The following KDM3B variants were observed in gnomAD, a reference collection of about 807,000 sequenced individuals.
KDM3B encodes the protein lysine demethylase 3B.
Under a neutral mutation model 170.0 loss-of-function variants are expected in KDM3B, and 10 were observed. The ratio of observed to expected loss-of-function variants is 0.06; its 90% CI spans 0.04 to 0.10. KDM3B has a LOEUF of 0.10. Among genes scored for constraint, KDM3B ranks in the 10% least tolerant of loss-of-function variants. The probability of loss-of-function intolerance (pLI) is 1.00; values close to 1 mark genes in which losing one functional copy is unlikely to be tolerated. For missense variants in KDM3B, 1,394 were observed against 2,195.2 expected (o/e 0.64, Z 7.29); for synonymous variants, 831 against 834.8 (o/e 1.00, Z 0.08).
At chr5:138,374,979 G>A (rs2126925471) in intron 2 of KDM3B, 114 bp from the exon 3 acceptor site, 1 of 664,622 alleles carries the variant, frequency 1.5e-6, no homozygotes, top group East Asian at 2.7e-5. Context: ...TAGCTTATCT[G>A]TATTTACTGG....
chr5:138,391,946 C>T lies in KDM3B; in HGVS notation c.2314C>T (p.His772Tyr). Reference protein sequence around the residue: ...LKTFSNVFGRHSGGFLSSPAD... With the variant: ...LKTFSNVFGRYSGGFLSSPAD... ...AACCTTTAGTAACGTCTTTGGCAGG[C>T]ACTCAGGCGGCTTTCTGTCCTCCCC... The change falls in exon 8 of 24, where the codon CAC becomes TAC. Residue 772 changes from histidine to tyrosine, a missense_variant. Physicochemically the swap from His to Tyr is moderately conservative, Grantham distance 83. This residue lies in a region of KDM3B where 84 missense variants were observed against 135.8 expected (regional missense o/e 0.62). Coordinates refer to ENST00000314358, the MANE Select transcript of KDM3B (RefSeq NM_016604.4). This position sits in a 1 kb window ranked among gnomAD's most constrained non-coding sequence, Gnocchi z 5.0. The T allele has an allele frequency of 6.2e-7, 1 of 1,612,546 alleles. No individual in the cohort carries two copies. The highest frequency in any genetic ancestry group is 8.5e-7 in the Non-Finnish European group (1 of 1,178,626).
At chr5:138,388,400 A>T (rs919002581) in intron 7 of KDM3B, among the ~76,000 whole-genome samples, 1 of 152,054 alleles carries the variant, frequency 6.6e-6, no homozygotes, top group South Asian at 2.1e-4. Flanking sequence ...TGGGAGGCCG[A>T]GGCGGGCGGA....
At chr5:138,372,227 TAA>T (rs1761893356) in intron 1 of KDM3B, among the ~76,000 whole-genome samples, 2 of 152,246 alleles carry the variant, frequency 1.3e-5, no homozygotes, top group South Asian at 4.1e-4. Flanking sequence ...AAAAAATAAT[TAA>T]AAGTTCACAG....
intron 1 of KDM3B, among the ~76,000 whole-genome samples, chr5:138,355,482 G>A (rs969415446): frequency 4.6e-5 from 7 of 152,168 alleles, no homozygotes; most frequent in African/African-American, 1.7e-4. Context: ...GAGTTTTGTT[G>A]ATAAGGTTCT....
rs1232554273 is a variant in KDM3B at position 138,352,805 on chromosome 5, G to T, written c.10G>T (p.Ala4Ser). The change falls in exon 1 of 24, where the codon GCG becomes TCG. Residue 4 changes from alanine (A) to serine (S), a missense_variant. Ala to Ser is a moderately conservative substitution (Grantham distance 99). Around this residue, in one of 19 missense-constraint regions of KDM3B, gnomAD observed 99 missense variants for 97.5 expected, o/e 1.02. Transcript: ENST00000314358. MADAAASPVGKRLL... is the reference protein window; with the variant it reads MADSAASPVGKRLL... ...CAGGCCGGCCCCGGCGATGGCGGAC[G>T]CGGCGGCCTCCCCGGTGGGCAAGCG... 1 of 1,299,646 alleles carries T rather than the reference G, an allele frequency of 7.7e-7. No individual in the cohort carries two copies. Among genetic ancestry groups the T allele is most frequent in the Non-Finnish European group, 9.8e-7 (1 of 1,022,982 alleles). The allele number at this position is 1,299,646 out of a possible 1,614,324, so 80.5% of individuals were successfully genotyped here.
intron 11 of KDM3B, among the ~76,000 whole-genome samples, chr5:138,407,757 C>G (rs766619487): frequency 6.6e-6 from 1 of 152,156 alleles, no homozygotes; most frequent in Admixed American, 6.6e-5. Flanking sequence ...ACTCTTAGAT[C>G]GGCCCCAGGA....
chr5:138,407,301 T>C (rs1762848512), intron 11 of KDM3B, among the ~76,000 whole-genome samples: 1 of 152,212 alleles, frequency 6.6e-6, no homozygotes, highest in Non-Finnish European at 1.5e-5. Flanking sequence ...CAATAACTTT[T>C]ACAGCTTAGA....
chr5:138,357,192 G>A (rs531448656), intron 1 of KDM3B, among the ~76,000 whole-genome samples: 1 of 151,996 alleles, frequency 6.6e-6, no homozygotes, highest in African/African-American at 2.4e-5. Flanking sequence ...TCGCCATGTT[G>A]CCCAGGCTGG....
At chr5:138,399,728 T>G (rs987679691) in intron 10 of KDM3B, 132 bp from the exon 11 acceptor site, 3 of 711,906 alleles carry the variant, frequency 4.2e-6, no homozygotes, top group African/African-American at 3.6e-5. Flanking sequence ...CCTACAATTA[T>G]AGAAACACAG....
intron 11 of KDM3B, among the ~76,000 whole-genome samples, chr5:138,409,348 A>G (rs1259858311): frequency 6.6e-6 from 1 of 152,230 alleles, no homozygotes; most frequent in African/African-American, 2.4e-5. Context: ...TCAATATTAC[A>G]TGATACAAAG....
At position 138,424,242 on chromosome 5, in the gene KDM3B, T is replaced by C. The variant is rs757666049; in HGVS notation, c.4140T>C (p.Thr1380=). 1 of 1,614,202 alleles carries C rather than the reference T, an allele frequency of 6.2e-7. No individual in the cohort carries two copies. The highest frequency in any genetic ancestry group is 8.5e-7 in the Non-Finnish European group (1 of 1,180,022). Residue 1380 remains threonine (T), a synonymous_variant, in exon 16 of 24, where the codon ACT becomes ACC. Transcript: ENST00000314358. The stretch of plus-strand genomic sequence containing the variant: ...GGTTAAATGTGCTAGATCCCCATAC[T>C]TCTCACTCCTGGCTTTGTGATGGGA... ...VMGLNVLDPH[T]SHSWLCDGRL...
intron 12 of KDM3B, 57 bp downstream of exon 12, chr5:138,415,296 A>G (rs1373559947): frequency 1.8e-6 from 2 of 1,097,798 alleles, no homozygotes; most frequent in African/African-American, 1.6e-5. Flanking sequence ...TGAGATAGCC[A>G]TACACCATAA....
Position 138,391,642 on chromosome 5 carries a change from G to T in KDM3B, c.2010G>T (p.Val670=), listed in dbSNP as rs763081735. 1.5e-5 allele frequency: 24 copies of T among 1,613,968 alleles called. No individual in the cohort carries two copies. The highest frequency in any genetic ancestry group is 1.7e-6 in the Non-Finnish European group (2 of 1,180,042). ...CTGCTACCACTGTCACCTCCAAGGT[G>T]GCACCCAGCTGGCCCGAGTCTCACT... ...SSSATTVTSK[V]APSWPESHSS... The change falls in exon 8 of 24, where the codon GTG becomes GTT. Residue 670 remains valine (V), a synonymous_variant. Transcript: ENST00000314358. This position sits in a 1 kb window ranked among gnomAD's most constrained non-coding sequence, Gnocchi z 5.0.
chr5:138,426,035 A>G (rs1763383353), intron 17 of KDM3B, among the ~76,000 whole-genome samples: 1 of 152,106 alleles, frequency 6.6e-6, no homozygotes, highest in Admixed American at 6.6e-5. Context: ...TCCAAATTAT[A>G]CCCACTTGGT....
chr5:138,372,880 T>G, intron 2 of KDM3B, 39 bp downstream of exon 2: 3 of 1,568,184 alleles, frequency 1.9e-6, no homozygotes, highest in Non-Finnish European at 2.6e-6. Flanking sequence ...GTCTGAGCTT[T>G]ACTCCTATAA....
intron 11 of KDM3B, among the ~76,000 whole-genome samples, chr5:138,409,676 G>C (rs1561784666): frequency 6.6e-6 from 1 of 152,174 alleles, no homozygotes; most frequent in Admixed American, 6.6e-5. Flanking sequence ...CTAGCACTTT[G>C]GGAAACTGAA....
At chr5:138,433,070 A>T (rs1763577178) in intron 23 of KDM3B, among the ~76,000 whole-genome samples, 1 of 150,216 alleles carries the variant, frequency 6.7e-6, no homozygotes, top group African/African-American at 2.5e-5. Context: ...AATTGCTGGT[A>T]GATTCAATCA....
intron 7 of KDM3B, 25 bp from the exon 8 acceptor site, chr5:138,390,988 C>T: frequency 1.3e-6 from 2 of 1,520,588 alleles, no homozygotes; most frequent in Non-Finnish European, 1.8e-6. Flanking sequence ...GCCAGCATCA[C>T]TAATTCAGGC....
intron 12 of KDM3B, among the ~76,000 whole-genome samples, chr5:138,417,143 A>G (rs1763126371): frequency 6.6e-6 from 1 of 152,210 alleles, no homozygotes; most frequent in Non-Finnish European, 1.5e-5. Flanking sequence ...CTTGAACACT[A>G]GAGAATCTAC....
Sources: gnomAD v4.1 joint callset for allele counts (sites outside exome capture counted in the v4.1 genomes callset) on GRCh38, gnomAD v4.1.1 for gene constraint, gnomAD v4.1.1 regional missense constraint, Gnocchi (gnomAD v3.1) non-coding constraint, MANE v1.5 for transcripts, NCBI Gene and HGNC (gene_info 2026-07-23, HGNC 2026-07-21) for gene names.